MTA3: variants seen among roughly 807,000 people sequenced by gnomAD.
The protein encoded by MTA3 is metastasis associated 1 family member 3, also known as metastasis-associated protein MTA3.
MTA3 carries 34 observed loss-of-function variants against 83.5 expected under a neutral mutation model. The ratio of observed to expected loss-of-function variants is 0.41; its 90% confidence interval spans 0.31 to 0.54. The LOEUF is 0.54. Among genes scored for constraint, MTA3 ranks in the 20% least tolerant of loss-of-function variants. The probability of loss-of-function intolerance (pLI) is 0.33; values close to 1 mark genes in which losing one functional copy is unlikely to be tolerated. For synonymous variants in MTA3, 303 were observed against 252.7 expected, an observed-to-expected ratio of 1.20 and a Z score of -1.89; for missense variants, 761 against 726.4, an observed-to-expected ratio of 1.05 and a Z score of -0.55.
intron 16 of MTA3, among the ~76,000 whole-genome samples, chr2:42,745,970 C>T (rs1172091362): frequency 1.3e-5 from 2 of 151,832 alleles, no homozygotes; most frequent in East Asian, 1.9e-4. Flanking sequence ...TGCGCCACCA[C>T]GCCCAGCTAA....
intron 3 of MTA3, among the ~76,000 whole-genome samples, chr2:42,585,497 GAC>G (rs970463452): frequency 8.0e-6 from 1 of 124,256 alleles, no homozygotes; most frequent in African/African-American, 3.1e-5. Context: ...TTTTTTTTGA[GAC>G]AGTCTCACTC....
chr2:42,753,626 C>T lies in MTA3; in HGVS notation c.*227C>T. 7.4e-7 allele frequency: 1 copy of T among 1,354,216 alleles called. No individual in the cohort carries two copies. The highest frequency in any genetic ancestry group is 9.5e-7 in the Non-Finnish European group (1 of 1,050,920). 83.9% of individuals were successfully genotyped at this position (1,354,216 alleles called of 1,614,324 possible). ...AGCACCTCGCTTTCTTGTCAGAGACCTCGCTGTTACGGAGCGAGACCTGCT... is the reference window on the plus strand; with the variant it reads ...AGCACCTCGCTTTCTTGTCAGAGACTTCGCTGTTACGGAGCGAGACCTGCT... On this transcript the variant is annotated 3_prime_UTR_variant, in exon 17 of 17. Coordinates refer to ENST00000405094, the MANE Select transcript of MTA3 (RefSeq NM_001330442.2).
intron 2 of MTA3, among the ~76,000 whole-genome samples, chr2:42,577,963 G>A (rs1399099540): frequency 1.3e-5 from 2 of 152,114 alleles, no homozygotes; most frequent in South Asian, 2.1e-4. Context: ...CATTACTTCT[G>A]GAGAATGTAT....
At chr2:42,748,856 C>T (rs892841252) in intron 16 of MTA3, among the ~76,000 whole-genome samples, 4 of 152,190 alleles carry the variant, frequency 2.6e-5, no homozygotes, top group African/African-American at 9.7e-5. Flanking sequence ...CAAGGAGTTA[C>T]ATTGGTGGAT....
intron 4 of MTA3, among the ~76,000 whole-genome samples, chr2:42,625,073 C>T (rs1573357501): frequency 6.6e-6 from 1 of 152,048 alleles, no homozygotes; most frequent in East Asian, 1.9e-4. Flanking sequence ...GCTTTGTCAC[C>T]CAGGCTGGAG....
At chr2:42,532,194 C>A (rs768113429) in intron 2 of MTA3, among the ~76,000 whole-genome samples, 3 of 152,206 alleles carry the variant, frequency 2.0e-5, no homozygotes, top group Non-Finnish European at 4.4e-5. Context: ...TATCTTCAAA[C>A]AAGTACAAAT....
At chr2:42,598,121 G>A (rs937712556) in intron 3 of MTA3, among the ~76,000 whole-genome samples, 1 of 151,646 alleles carries the variant, frequency 6.6e-6, no homozygotes, top group South Asian at 2.1e-4. Context: ...TGCCCAGGCC[G>A]GAGTGCAGTG....
At chr2:42,735,474 A>G (rs1334663133) in intron 16 of MTA3, among the ~76,000 whole-genome samples, 1 of 152,188 alleles carries the variant, frequency 6.6e-6, no homozygotes, top group Non-Finnish European at 1.5e-5. Context: ...TTGATATCCT[A>G]TAACCTTCTT....
chr2:42,629,195 A>G (rs1454482571), intron 4 of MTA3, among the ~76,000 whole-genome samples: 2 of 151,800 alleles, frequency 1.3e-5, no homozygotes, highest in African/African-American at 4.8e-5. Flanking sequence ...TTCTCCTGCC[A>G]CAGCCTCCTG....
In MTA3 at chr2:42,755,023, G is replaced by A. The variant is rs967671590; in HGVS notation, c.*1624G>A. The A allele has an allele frequency of 3.0e-6, 3 of 985,566 alleles. No individual in the cohort carries two copies. In the African/African-American group the frequency reaches 5.2e-5, roughly 17 times the overall value. The allele number at this position is 985,566 out of a possible 1,614,324, so 61.1% of individuals were successfully genotyped here. ...CTGGGTCTTGGCTTGGGGCGCTGAG[G>A]GTGGGGCCTGTGTCAGAAGCATTTG... On this transcript the variant is annotated 3_prime_UTR_variant, in exon 17 of 17. Transcript: ENST00000405094.
intron 2 of MTA3, among the ~76,000 whole-genome samples, chr2:42,528,292 C>G (rs1390139161): frequency 6.7e-6 from 1 of 149,010 alleles, no homozygotes; most frequent in Admixed American, 6.8e-5. Flanking sequence ...GTGATCTCGG[C>G]TCCTGCAGCC....
chr2:42,695,833 G>A lies in MTA3; in HGVS notation c.960G>A (p.Val320=), dbSNP rs980043824. ...YYMWKTTDRY[V]QQKRLKAAEA... ...TGTGGAAAACTACTGACAGATATGT[G>A]CAACAGGTAATTTTTTTCATATTGC... Residue 320 remains valine (V), a synonymous_variant, in exon 10 of 17, where the codon GTG becomes GTA. Transcript: ENST00000405094. 1.3e-6 allele frequency: 2 copies of A among 1,569,632 alleles called. No homozygotes were observed. The highest frequency in any genetic ancestry group is 8.7e-7 in the Non-Finnish European group (1 of 1,154,734).
chr2:42,558,166 T>C (rs1677488186), intron 2 of MTA3, among the ~76,000 whole-genome samples: 2 of 152,092 alleles, frequency 1.3e-5, no homozygotes, highest in Non-Finnish European at 1.5e-5. Context: ...CTAGTCTCTC[T>C]TTATGGCTCT....
intron 4 of MTA3, among the ~76,000 whole-genome samples, chr2:42,621,936 G>C (rs1685599483): frequency 6.6e-6 from 1 of 151,822 alleles, no homozygotes; most frequent in Non-Finnish European, 1.5e-5. Context: ...CAGCCGGGCA[G>C]AGGGGCTCCT....
chr2:42,636,916 C>T (rs1437964661), intron 4 of MTA3, among the ~76,000 whole-genome samples: 1 of 152,096 alleles, frequency 6.6e-6, no homozygotes, highest in Non-Finnish European at 1.5e-5. Flanking sequence ...TGAGCCACTG[C>T]GCCTGGCCCT....
At chr2:42,630,095 C>T (rs1686528490) in intron 4 of MTA3, among the ~76,000 whole-genome samples, 1 of 152,132 alleles carries the variant, frequency 6.6e-6, no homozygotes. Flanking sequence ...TTAAGCGATC[C>T]TTAAATAAAA....
chr2:42,750,512 G>A (rs555140053), intron 16 of MTA3, among the ~76,000 whole-genome samples: 2 of 152,126 alleles, frequency 1.3e-5, no homozygotes, highest in African/African-American at 4.8e-5. Flanking sequence ...CTGTAGTGCA[G>A]TTCACTGTAG....
intron 2 of MTA3, among the ~76,000 whole-genome samples, chr2:42,531,985 T>C (rs557212211): frequency 6.6e-6 from 1 of 152,316 alleles, no homozygotes; most frequent in African/African-American, 2.4e-5. Flanking sequence ...CTCGATCTCC[T>C]GACCTCATGA....
At chr2:42,656,364 A>T in intron 7 of MTA3, 62 bp downstream of exon 7, 1 of 1,017,202 alleles carries the variant, frequency 9.8e-7, no homozygotes, top group Non-Finnish European at 1.4e-6. Context: ...ATTTATAGGT[A>T]TATGTATTTT....
Sources: allele counts gnomAD v4.1 joint callset (sites outside exome capture counted in the v4.1 genomes callset), GRCh38; gene constraint gnomAD v4.1.1; transcripts MANE v1.5; gene names NCBI Gene and HGNC (gene_info 2026-07-23, HGNC 2026-07-21).